Variants in HEMK2 observed in about 807,000 individuals in gnomAD.
HEMK2 encodes methyltransferase HEMK2.
the HEMK2 span, among the ~76,000 whole-genome samples, chr21:28,595,362 C>T: frequency 1.3e-5 from 2 of 151,492 alleles, no homozygotes; most frequent in Non-Finnish European, 2.9e-5. Context: ...GATAACTATC[C>T]TTCCACTCTC....
the HEMK2 span, among the ~76,000 whole-genome samples, chr21:28,703,477 T>C: frequency 6.6e-6 from 1 of 152,152 alleles, no homozygotes; most frequent in Non-Finnish European, 1.5e-5. Flanking sequence ...AGGCACCACA[T>C]TGGAAGTCTT....
At chr21:28,660,944 C>G in the HEMK2 span, among the ~76,000 whole-genome samples, 1 of 152,026 alleles carries the variant, frequency 6.6e-6, no homozygotes, top group Non-Finnish European at 1.5e-5. Flanking sequence ...ACATACTCTA[C>G]TTTTTTAAGG....
At chr21:28,868,684 A>G in the HEMK2 span, among the ~76,000 whole-genome samples, 1 of 152,204 alleles carries the variant, frequency 6.6e-6, no homozygotes, top group Non-Finnish European at 1.5e-5. Flanking sequence ...ACCTTGTCTC[A>G]AAAAACAAAA....
the HEMK2 span, among the ~76,000 whole-genome samples, chr21:28,817,174 A>G: frequency 6.6e-6 from 1 of 152,234 alleles, no homozygotes; most frequent in Non-Finnish European, 1.5e-5. Flanking sequence ...GGAATATTAT[A>G]TTCAAAATTC....
the HEMK2 span, among the ~76,000 whole-genome samples, chr21:28,756,763 C>A: frequency 6.6e-6 from 1 of 152,154 alleles, no homozygotes; most frequent in Non-Finnish European, 1.5e-5. Context: ...AGAATTTTTA[C>A]ATTTTGACAT....
At chr21:28,769,156 C>T in the HEMK2 span, among the ~76,000 whole-genome samples, 31 of 152,116 alleles carry the variant, frequency 2.0e-4, no homozygotes, top group African/African-American at 7.2e-4. Context: ...GGTCTACTAG[C>T]TGACAGGAGA....
the HEMK2 span, among the ~76,000 whole-genome samples, chr21:28,582,932 A>T: frequency 6.6e-6 from 1 of 152,202 alleles, no homozygotes; most frequent in Non-Finnish European, 1.5e-5. Flanking sequence ...AGACAGTACA[A>T]CCATCAGGGT....
the HEMK2 span, among the ~76,000 whole-genome samples, chr21:28,705,708 C>T: frequency 4.6e-5 from 7 of 152,228 alleles, no homozygotes; most frequent in East Asian, 5.8e-4. Flanking sequence ...ACAAGGCTCT[C>T]GCTGGGCCAA....
the HEMK2 span, among the ~76,000 whole-genome samples, chr21:28,607,750 C>T: frequency 1.2e-4 from 18 of 152,008 alleles, no homozygotes; most frequent in Non-Finnish European, 2.1e-4. Context: ...AATAAATGAA[C>T]GAATAAGTGA....
the HEMK2 span, among the ~76,000 whole-genome samples, chr21:28,647,301 T>G: frequency 1.7e-5 from 2 of 115,148 alleles, no homozygotes; most frequent in East Asian, 5.1e-4. Context: ...CTGGCCAACA[T>G]GGTGAAACCC....
At chr21:28,686,601 C>A in the HEMK2 span, among the ~76,000 whole-genome samples, 2 of 152,178 alleles carry the variant, frequency 1.3e-5, no homozygotes, top group East Asian at 3.8e-4. Flanking sequence ...GTAGTAGCAA[C>A]TATTCATTAG....
chr21:28,756,973 T>C, the HEMK2 span, among the ~76,000 whole-genome samples: 1 of 152,230 alleles, frequency 6.6e-6, no homozygotes, highest in Non-Finnish European at 1.5e-5. Context: ...TCATTGCAAA[T>C]ACAATATTTT....
chr21:28,642,514 G>A, the HEMK2 span, among the ~76,000 whole-genome samples: 1 of 152,222 alleles, frequency 6.6e-6, no homozygotes, highest in Non-Finnish European at 1.5e-5. Flanking sequence ...GCTCTCTGGG[G>A]ATGGCCAAGT....
At chr21:28,880,830 A>G in the HEMK2 span, among the ~76,000 whole-genome samples, 1 of 150,258 alleles carries the variant, frequency 6.7e-6, no homozygotes, top group South Asian at 2.1e-4. Context: ...ACCTTTCTTG[A>G]TATTCTAGCT....
At chr21:28,616,895 T>C in the HEMK2 span, among the ~76,000 whole-genome samples, 5 of 152,282 alleles carry the variant, frequency 3.3e-5, no homozygotes, top group Admixed American at 1.3e-4. Flanking sequence ...CTCAGTTACT[T>C]CACCAATATT....
At chr21:28,713,117 A>C in the HEMK2 span, among the ~76,000 whole-genome samples, 2 of 152,272 alleles carry the variant, frequency 1.3e-5, no homozygotes, top group South Asian at 2.1e-4. Context: ...CTGAGTTTCC[A>C]ATTTGGGAGA....
At chr21:28,641,230 G>A in the HEMK2 span, among the ~76,000 whole-genome samples, 2 of 152,080 alleles carry the variant, frequency 1.3e-5, no homozygotes, top group Non-Finnish European at 2.9e-5. Context: ...ACAACTCCAG[G>A]GGAAAGTACA....
the HEMK2 span, among the ~76,000 whole-genome samples, chr21:28,591,787 T>C: frequency 6.6e-6 from 1 of 152,190 alleles, no homozygotes. Context: ...TACTTATAAA[T>C]GAGGACATGG....
the HEMK2 span, among the ~76,000 whole-genome samples, chr21:28,835,793 A>G: frequency 2.3e-4 from 35 of 152,318 alleles, no homozygotes; most frequent in African/African-American, 7.2e-4. Context: ...TTAAAGAAAA[A>G]CAATCAAAAA....
Sources: gnomAD v4.1 joint callset for allele counts (sites outside exome capture counted in the v4.1 genomes callset) on GRCh38, gnomAD v4.1.1 for gene constraint, MANE v1.5 for transcripts, NCBI Gene and HGNC (gene_info 2026-07-23, HGNC 2026-07-21) for gene names.